MON2: variants seen among roughly 807,000 people sequenced by gnomAD.
MON2 encodes the protein MON2 regulator of endosome-to-Golgi trafficking, also known as protein MON2 homolog.
A neutral mutation model predicts 208.6 loss-of-function variants in MON2; 84 were observed. That is an observed-to-expected ratio of 0.40 (90% CI 0.34 to 0.48). MON2 has a LOEUF of 0.48. Among genes scored for constraint, MON2 ranks in the 20% least tolerant of loss-of-function variants. MON2 has a pLI of 0.59. For missense variants in MON2, 1,611 were observed against 2,015.4 expected (o/e 0.80, Z 3.84); for synonymous variants, 660 against 694.0 (o/e 0.95, Z 0.77).
intron 27 of MON2, 106 bp from the exon 28 acceptor site, chr12:62,565,908 G>C (rs1282749572): frequency 1.9e-6 from 2 of 1,048,772 alleles, no homozygotes; most frequent in African/African-American, 3.3e-5. Flanking sequence ...TGCTGATTTT[G>C]TTCACTCAAC....
chr12:62,484,738 T>A (rs1463756433), intron 2 of MON2: 1 of 152,204 alleles, frequency 6.6e-6, no homozygotes, highest in Non-Finnish European at 1.5e-5. Context: ...GAGAGTGAAG[T>A]AGAGAAAAGA....
intron 8 of MON2, among the ~76,000 whole-genome samples, chr12:62,522,053 C>T (rs895480325): frequency 1.3e-5 from 2 of 152,066 alleles, no homozygotes; most frequent in Admixed American, 6.5e-5. Flanking sequence ...ATTAACTGGG[C>T]ATGGTGGCTT....
At chr12:62,496,768 A>C (rs891821213) in intron 4 of MON2, among the ~76,000 whole-genome samples, 1 of 152,204 alleles carries the variant, frequency 6.6e-6, no homozygotes. Context: ...ATTCATAATG[A>C]ACTAGAAATA....
intron 2 of MON2, among the ~76,000 whole-genome samples, chr12:62,486,462 ATAG>A (rs1238028043): frequency 6.6e-6 from 1 of 152,124 alleles, no homozygotes; most frequent in Non-Finnish European, 1.5e-5. Context: ...AATACAATTA[ATAG>A]TCATGTTTTA....
intron 30 of MON2, among the ~76,000 whole-genome samples, chr12:62,575,112 T>G (rs2074727940): frequency 6.6e-6 from 1 of 152,132 alleles, no homozygotes; most frequent in South Asian, 2.1e-4. Flanking sequence ...GGCAACAGAG[T>G]GAGACCCTGT....
At chr12:62,513,104 A>G (rs1471865508) in intron 8 of MON2, among the ~76,000 whole-genome samples, 1 of 152,196 alleles carries the variant, frequency 6.6e-6, no homozygotes, top group Non-Finnish European at 1.5e-5. Flanking sequence ...GGCTGCCTCA[A>G]AGATCTCTGA....
intron 22 of MON2, among the ~76,000 whole-genome samples, chr12:62,548,431 A>T (rs1022507726): frequency 6.6e-6 from 1 of 152,184 alleles, no homozygotes; most frequent in Non-Finnish European, 1.5e-5. Flanking sequence ...AGGAGATTGC[A>T]GTGGAGAGAT....
chr12:62,508,715 A>G (rs2071233738), intron 8 of MON2: 1 of 427,360 alleles, frequency 2.3e-6, no homozygotes, highest in Middle Eastern at 6.4e-4. Context: ...GTCTGAAGCC[A>G]GCATAGGAAT....
At chr12:62,590,516 C>G (rs1363717931) in intron 34 of MON2, among the ~76,000 whole-genome samples, 1 of 152,170 alleles carries the variant, frequency 6.6e-6, no homozygotes, top group African/African-American at 2.4e-5. Flanking sequence ...TTAATATGAT[C>G]TTTTCCTTAT....
At chr12:62,530,391 C>G (rs1356320017) in intron 11 of MON2, among the ~76,000 whole-genome samples, 1 of 151,826 alleles carries the variant, frequency 6.6e-6, no homozygotes, top group South Asian at 2.1e-4. Context: ...CCACCATGCC[C>G]GGCTAATTTT....
chr12:62,545,017 A>C lies in MON2; in HGVS notation c.2577+9A>C. ...CACTCTCACAAAACCAGGTAATAAA[A>C]ACCTTACTTTTTAAAAAGAATACTC... On this transcript the variant is annotated intron_variant, in intron 21 of 34. Transcript: ENST00000393630. 1 of 1,524,432 alleles carries C rather than the reference A, an allele frequency of 6.6e-7. No individual in the cohort carries two copies. The highest frequency in any genetic ancestry group is 1.2e-5 in the South Asian group (1 of 81,456). 94.4% of individuals were successfully genotyped at this position (1,524,432 alleles called of 1,614,324 possible). A position where few individuals can be genotyped will look rare whatever the true frequency, so the allele number is the denominator to read the frequency against.
chr12:62,491,906 T>C (rs904185106), intron 2 of MON2, among the ~76,000 whole-genome samples: 7 of 152,226 alleles, frequency 4.6e-5, no homozygotes, highest in African/African-American at 1.4e-4. Context: ...GTAGGATATT[T>C]AATCATTTTA....
At chr12:62,588,851 T>C (rs2075304147) in intron 34 of MON2, 2 of 1,457,882 alleles carry the variant, frequency 1.4e-6, no homozygotes, top group Non-Finnish European at 1.8e-6. Flanking sequence ...TATTTCATTA[T>C]CCAGCTTGTA....
At chr12:62,468,044 G>C (rs2068599663) in intron 1 of MON2, among the ~76,000 whole-genome samples, 1 of 151,680 alleles carries the variant, frequency 6.6e-6, no homozygotes, top group African/African-American at 2.4e-5. Context: ...TTATTAAAGA[G>C]ATCCCAGTAA....
intron 30 of MON2, among the ~76,000 whole-genome samples, chr12:62,573,394 CTT>C (rs778858180): frequency 1.9e-4 from 26 of 134,074 alleles, no homozygotes; most frequent in Non-Finnish European, 2.6e-4. Flanking sequence ...TTCAGATCAG[CTT>C]TTTTTTTTTT....
chr12:62,519,248 CG>C (rs2071873405), intron 8 of MON2, among the ~76,000 whole-genome samples: 1 of 152,086 alleles, frequency 6.6e-6, no homozygotes, highest in Non-Finnish European at 1.5e-5. Flanking sequence ...AGCACACCAC[CG>C]TTCCAATCAT....
Position 62,534,904 on chromosome 12 carries a change from C to G in MON2, c.1693C>G (p.Leu565Val), listed in dbSNP as rs2072893748. The part of the protein sequence containing the change: ...NACWCGLLAA[L>V]SLLLDASTDE... ...CTGCTGGTGTGGTCTTCTTGCTGCA[C>G]TCTCACTCCTTCTTGATGCCAGGTA... The change falls in exon 13 of 35, where the codon CTC (leucine) becomes GTC (valine). Residue 565 changes from leucine to valine, a missense_variant. Physicochemically the swap from Leu to Val is conservative, Grantham distance 32. Coordinates refer to ENST00000393630, the MANE Select transcript of MON2 (RefSeq NM_015026.3). 3.7e-6 allele frequency: 6 copies of G among 1,611,276 alleles called. No individual in the cohort carries two copies. The highest frequency in any genetic ancestry group is 5.1e-6 in the Non-Finnish European group (6 of 1,178,308).
chr12:62,588,820 A>C (rs2075302871), intron 34 of MON2: 3 of 1,311,980 alleles, frequency 2.3e-6, no homozygotes, highest in Admixed American at 2.3e-5. Context: ...CAATCTTCCC[A>C]AATTTTTTCA....
chr12:62,500,363 G>A (rs1029056814), intron 5 of MON2, among the ~76,000 whole-genome samples: 49 of 152,284 alleles, frequency 3.2e-4, no homozygotes, highest in African/African-American at 1.0e-3. Context: ...GGTAACAGCA[G>A]CAGATCAAGC....
Sources: allele counts gnomAD v4.1 joint callset (sites outside exome capture counted in the v4.1 genomes callset), GRCh38; gene constraint gnomAD v4.1.1; transcripts MANE v1.5; gene names NCBI Gene and HGNC (gene_info 2026-07-23, HGNC 2026-07-21).